The following GTPBP1 variants were observed in gnomAD, a reference collection of about 807,000 sequenced individuals.
GTPBP1 encodes GTP-binding protein 1.
GTPBP1 carries 23 observed loss-of-function variants against 62.0 expected under a neutral mutation model. That is an observed-to-expected ratio of 0.37 (90% CI 0.27 to 0.53). The LOEUF (loss-of-function observed/expected upper bound fraction) is 0.53, where lower values mean the gene tolerates loss of function less well. GTPBP1 is among the 20% of genes least tolerant of loss of function. The probability of loss-of-function intolerance (pLI) is 0.89; values close to 1 mark genes in which losing one functional copy is unlikely to be tolerated. For missense variants in GTPBP1, 640 were observed against 917.3 expected, an observed-to-expected ratio of 0.70 and a Z score of 3.90; for synonymous variants, 344 against 364.4, an observed-to-expected ratio of 0.94 and a Z score of 0.64.
At chr22:38,713,123 C>T (rs2092649412) in intron 2 of GTPBP1, among the ~76,000 whole-genome samples, 1 of 152,064 alleles carries the variant, frequency 6.6e-6, no homozygotes, top group African/African-American at 2.4e-5. Context: ...GGAGGAGGTG[C>T]GCTGTTGGGC....
At chr22:38,729,392 G>A (rs1220441413) in intron 10 of GTPBP1, 70 bp from the exon 11 acceptor site, 2 of 1,169,182 alleles carry the variant, frequency 1.7e-6, no homozygotes, top group East Asian at 2.7e-5. Flanking sequence ...GGGGCTGAGG[G>A]TGGGGGGTAG....
intron 10 of GTPBP1, 69 bp from the exon 11 acceptor site, chr22:38,729,388 GAGGGT>G (rs2092743705): frequency 1.3e-5 from 15 of 1,119,970 alleles, no homozygotes; most frequent in Non-Finnish European, 1.6e-5. Flanking sequence ...GAAGGGGGCT[GAGGGT>G]GGGGGGTAGC....
rs764887148 is a variant in GTPBP1 at position 38,726,187 on chromosome 22, C to T, written c.1218+37C>T. Reference sequence around the variant, plus strand: ...TGGGCGGGTAGCTGGGTGGGCACTTCCTACAGTGGCATCAGGGGGTGGGTC... The same window carrying T: ...TGGGCGGGTAGCTGGGTGGGCACTTTCTACAGTGGCATCAGGGGGTGGGTC... On this transcript the variant is annotated intron_variant, in intron 7 of 11. Transcript: ENST00000216044. The surrounding 1 kb of genome is among the most constrained non-coding windows in gnomAD (Gnocchi z 4.1). 6.2e-7 allele frequency: 1 copy of T among 1,609,120 alleles called. No individual in the cohort carries two copies. Among genetic ancestry groups the T allele is most frequent in the South Asian group, 1.1e-5 (1 of 90,914 alleles).
In GTPBP1 at chr22:38,706,028, TC is replaced by T; in HGVS notation, c.77del (p.Pro26ArgfsTer42). ...PASMFAPEPSSPGAARAAAAA... is the reference protein window; with the variant it reads ...PASMFAPEPSXPGAARAAAAA... ...CTCTATGTTCGCCCCCGAGCCCAGCTCCCCGGGGGCGGCCAGGGCCGCGGCG... is the reference window on the plus strand; with the variant it reads ...CTCTATGTTCGCCCCCGAGCCCAGCTCCCGGGGGCGGCCAGGGCCGCGGCG... On this transcript the variant is annotated frameshift_variant, in exon 1 of 12. Transcript: ENST00000216044. LOFTEE classifies it high-confidence loss of function. 1.4e-6 allele frequency: 2 copies of T among 1,381,474 alleles called. No homozygotes were observed. Among genetic ancestry groups the T allele is most frequent in the Non-Finnish European group, 1.9e-6 (2 of 1,064,486 alleles). The allele number at this position is 1,381,474 out of a possible 1,614,324, so 85.6% of individuals were successfully genotyped here.
rs2092767977 is a variant in GTPBP1, at chr22:38,732,765, C to T, written c.*2061C>T. 6.6e-6 allele frequency: 1 copy of T among 152,342 alleles called. No homozygotes were observed. The highest frequency in any genetic ancestry group is 2.1e-4 in the South Asian group (1 of 4,848). The allele number at this position is 152,342 out of a possible 1,614,324, so 9.4% of individuals were successfully genotyped here. On this transcript the variant is annotated 3_prime_UTR_variant, in exon 12 of 12. Coordinates refer to ENST00000216044, the MANE Select transcript of GTPBP1 (RefSeq NM_004286.5). Reference sequence around the variant, plus strand: ...AGGCTGGAGTGCAGTGGTGTGATCTCTGCTCACTGCAACCTCCGCCTGCCA... The same window carrying T: ...AGGCTGGAGTGCAGTGGTGTGATCTTTGCTCACTGCAACCTCCGCCTGCCA...
In GTPBP1 at chr22:38,731,645, C is replaced by G. The variant is rs2092761162; in HGVS notation, c.*941C>G. ...CTGGTTACCAGAAGGGGGTCTGGGTCTGCTCAGGATCATGTTTTGTAGCAC... is the reference window on the plus strand; with the variant it reads ...CTGGTTACCAGAAGGGGGTCTGGGTGTGCTCAGGATCATGTTTTGTAGCAC... On this transcript the variant is annotated 3_prime_UTR_variant, in exon 12 of 12. Transcript: ENST00000216044. 1 of 152,628 alleles carries G rather than the reference C, an allele frequency of 6.6e-6. No homozygotes were observed. The allele number at this position is 152,628 out of a possible 1,614,324, so 9.5% of individuals were successfully genotyped here.
chr22:38,738,131 G>A (rs750536048), downstream of GTPBP1: 1 of 1,578,658 alleles, frequency 6.3e-7, no homozygotes. This position sits in a 1 kb window ranked among gnomAD's most constrained non-coding sequence, Gnocchi z 6.6. Context: ...TGCCTGGATG[G>A]GGAGTCTGCG....
chr22:38,733,154 C>G lies in GTPBP1; in HGVS notation c.*2450C>G, dbSNP rs929042831. 1 of 152,314 alleles carries G rather than the reference C, an allele frequency of 6.6e-6. No individual in the cohort carries two copies. The highest frequency in any genetic ancestry group is 2.1e-4 in the South Asian group (1 of 4,836). 9.4% of individuals were successfully genotyped at this position (152,314 alleles called of 1,614,324 possible). A position where few individuals can be genotyped will look rare whatever the true frequency, so the allele number is the denominator to read the frequency against. On this transcript the variant is annotated 3_prime_UTR_variant, in exon 12 of 12. Transcript: ENST00000216044. ...GTCTCTTGGCTGCTTCACTCCTGCT[C>G]TTTGTCCCGACTCTGGCCCTGCTTA...
chr22:38,730,369 C>T lies in GTPBP1; in HGVS notation c.1918-243C>T, dbSNP rs867411959. Among the ~76,000 whole-genome samples the T allele has an allele frequency of 1.3e-5, 2 of 152,330 alleles. No individual in the cohort carries two copies. Among genetic ancestry groups the T allele is most frequent in the Middle Eastern group, 3.4e-3 (1 of 294 alleles). On this transcript the variant is annotated intron_variant, in intron 11 of 11. Transcript: ENST00000216044. The surrounding 1 kb of genome is among the most constrained non-coding windows in gnomAD (Gnocchi z 5.6). ...CTTCTCTGAACGGCCGCTTCTCACA[C>T]CCTCATCATGTGTGTCCTACCCACC... is the stretch of plus-strand genomic sequence containing the variant.
chr22:38,739,495 T>C, downstream of GTPBP1: 2 of 1,560,224 alleles, frequency 1.3e-6, no homozygotes, highest in South Asian at 2.2e-5. This position sits in a 1 kb window ranked among gnomAD's most constrained non-coding sequence, Gnocchi z 6.7. Flanking sequence ...CTCGTGGCCG[T>C]GGGCCAAGGA....
downstream of GTPBP1, among the ~76,000 whole-genome samples, chr22:38,740,108 G>C (rs747158719): frequency 6.6e-6 from 1 of 152,234 alleles, no homozygotes; most frequent in Non-Finnish European, 1.5e-5. This position sits in a 1 kb window ranked among gnomAD's most constrained non-coding sequence, Gnocchi z 4.8. Flanking sequence ...CAGGAAGAAC[G>C]CCTGTCAGTG....
chr22:38,723,165 C>G (rs2092709860), intron 5 of GTPBP1: 1 of 836,648 alleles, frequency 1.2e-6, no homozygotes, highest in Non-Finnish European at 2.1e-6. Flanking sequence ...TCACTAAAAG[C>G]AACAGTTTCT....
chr22:38,707,443 T>A (rs1181098406), intron 1 of GTPBP1, among the ~76,000 whole-genome samples: 1 of 152,244 alleles, frequency 6.6e-6, no homozygotes, highest in Admixed American at 6.5e-5. Context: ...CCAGCTAGCC[T>A]GTCAAAGTTG....
Position 38,730,828 on chromosome 22 carries a change from G to T in GTPBP1, c.*124G>T, listed in dbSNP as rs180810868. 1.7e-6 allele frequency: 1 copy of T among 581,764 alleles called. No homozygotes were observed. The allele number at this position is 581,764 out of a possible 1,614,324, so 36.0% of individuals were successfully genotyped here. On this transcript the variant is annotated 3_prime_UTR_variant, in exon 12 of 12. Transcript: ENST00000216044. The surrounding 1 kb of genome is among the most constrained non-coding windows in gnomAD (Gnocchi z 5.6). ...CGCTCAGGCCACAGCCGGAGCCTCCGCATTGCCCCCACCCCCATTTTCCAG... is the reference window on the plus strand; with the variant it reads ...CGCTCAGGCCACAGCCGGAGCCTCCTCATTGCCCCCACCCCCATTTTCCAG...
chr22:38,718,709 A>G (rs1323738022), intron 4 of GTPBP1, among the ~76,000 whole-genome samples: 8 of 152,244 alleles, frequency 5.3e-5, no homozygotes, highest in Non-Finnish European at 1.5e-5. Context: ...GTGTAAACAC[A>G]TCATGGCAGC....
chr22:38,706,038 C>A lies in GTPBP1; in HGVS notation c.83C>A (p.Ala28Glu). 1.4e-6 allele frequency: 2 copies of A among 1,380,084 alleles called. No homozygotes were observed. Among genetic ancestry groups the A allele is most frequent in the Non-Finnish European group, 9.4e-7 (1 of 1,066,840 alleles). The allele number at this position is 1,380,084 out of a possible 1,614,324, so 85.5% of individuals were successfully genotyped here. A position where few individuals can be genotyped will look rare whatever the true frequency, so the allele number is the denominator to read the frequency against. Reference sequence around the variant, plus strand: ...GCCCCCGAGCCCAGCTCCCCGGGGGCGGCCAGGGCCGCGGCGGCCGCCGCC... The same window carrying A: ...GCCCCCGAGCCCAGCTCCCCGGGGGAGGCCAGGGCCGCGGCGGCCGCCGCC... The part of the protein sequence containing the change: ...MFAPEPSSPG[A>E]ARAAAAAARL... Residue 28 changes from alanine to glutamate, a missense_variant, in exon 1 of 12, where the codon GCG (alanine) becomes GAG (glutamate). Ala to Glu is a moderately radical substitution (Grantham distance 107). This residue lies in a region of GTPBP1 where 215 missense variants were observed against 235.1 expected (regional missense o/e 0.91). Transcript: ENST00000216044.
At chr22:38,712,910 T>C (rs1253917991) in intron 2 of GTPBP1, among the ~76,000 whole-genome samples, 2 of 152,190 alleles carry the variant, frequency 1.3e-5, no homozygotes, top group Non-Finnish European at 2.9e-5. Flanking sequence ...TGTTCATTTG[T>C]TTTACATTTT....
In GTPBP1 at chr22:38,727,965, C is replaced by A. The variant is rs771851231; in HGVS notation, c.1538-18C>A. 6.2e-7 allele frequency: 1 copy of A among 1,610,382 alleles called. No individual in the cohort carries two copies. The highest frequency in any genetic ancestry group is 1.1e-5 in the South Asian group (1 of 90,972). On this transcript the variant is annotated intron_variant, in intron 9 of 11. Transcript: ENST00000216044. This position sits in a 1 kb window ranked among gnomAD's most constrained non-coding sequence, Gnocchi z 6.5. The stretch of plus-strand genomic sequence containing the variant: ...CCAGGTGGCTCCAGCCTATCCTGAC[C>A]TCTGGCTTCCTTGACAGTGCACTGT...
At chr22:38,709,312 T>C (rs1400623204) in intron 2 of GTPBP1, among the ~76,000 whole-genome samples, 2 of 152,070 alleles carry the variant, frequency 1.3e-5, no homozygotes, top group African/African-American at 4.8e-5. Flanking sequence ...AAGAAATTAT[T>C]TAGAGCACAT....
Sources: allele counts gnomAD v4.1 joint callset (sites outside exome capture counted in the v4.1 genomes callset), GRCh38; gene constraint gnomAD v4.1.1; regional missense constraint gnomAD v4.1.1; non-coding constraint Gnocchi (gnomAD v3.1); transcripts MANE v1.5; gene names NCBI Gene and HGNC (gene_info 2026-07-23, HGNC 2026-07-21).